EFNA5: variants seen among roughly 807,000 people sequenced by gnomAD.
EFNA5 encodes the protein ephrin A5.
Under a neutral mutation model 22.9 loss-of-function variants are expected in EFNA5, and 5 were observed. The observed-to-expected ratio is 0.22, with a 90% CI of 0.11 to 0.46. The LOEUF (loss-of-function observed/expected upper bound fraction) is 0.46. Among genes scored for constraint, EFNA5 ranks in the 20% least tolerant of loss-of-function variants. The pLI, the probability that EFNA5 is intolerant of heterozygous loss-of-function variation, is 0.99. For missense variants in EFNA5, 237 were observed against 293.3 expected (o/e 0.81, Z 1.40); for synonymous variants, 113 against 112.2 (o/e 1.01, Z -0.04).
At chr5:107,526,417 C>G (rs1747697053) in intron 1 of EFNA5, among the ~76,000 whole-genome samples, 1 of 152,198 alleles carries the variant, frequency 6.6e-6, no homozygotes, top group Non-Finnish European at 1.5e-5. Context: ...GAAACCAGGG[C>G]TGGGCCATAC....
chr5:107,554,837 TGCCCGA>T (rs547734771), intron 1 of EFNA5, among the ~76,000 whole-genome samples: 707 of 152,336 alleles, frequency 4.6e-3, no homozygotes, highest in Non-Finnish European at 8.2e-3. Context: ...TGCTACTAAA[TGCCCGA>T]GCCAAGATGC....
chr5:107,612,504 T>C (rs567963972), intron 1 of EFNA5, among the ~76,000 whole-genome samples: 3 of 151,862 alleles, frequency 2.0e-5, no homozygotes, highest in Non-Finnish European at 2.9e-5. Flanking sequence ...TAATTTGAAA[T>C]GCAATTTAAA....
At chr5:107,638,215 G>T (rs1213734630) in intron 1 of EFNA5, among the ~76,000 whole-genome samples, 1 of 151,970 alleles carries the variant, frequency 6.6e-6, no homozygotes, top group African/African-American at 2.4e-5. Context: ...ATAACCTAAG[G>T]GTTCCTGCTT....
At chr5:107,517,467 T>C (rs1001596781) in intron 1 of EFNA5, among the ~76,000 whole-genome samples, 3 of 152,216 alleles carry the variant, frequency 2.0e-5, no homozygotes, top group South Asian at 2.1e-4. Context: ...CTGTAAACAC[T>C]AGTAATAGTA....
At chr5:107,507,729 C>G (rs1191310468) in intron 1 of EFNA5, among the ~76,000 whole-genome samples, 1 of 151,964 alleles carries the variant, frequency 6.6e-6, no homozygotes, top group Non-Finnish European at 1.5e-5. Context: ...TCCAGCTACT[C>G]AGGAAGCTGA....
At chr5:107,557,794 C>T (rs352604) in intron 1 of EFNA5, among the ~76,000 whole-genome samples, 26,046 of 152,066 alleles carry the variant, frequency 0.17, 2,427 homozygotes, top group Middle Eastern at 0.22. Flanking sequence ...TGTTTAGAAG[C>T]GTTTTTACCT....
intron 1 of EFNA5, among the ~76,000 whole-genome samples, chr5:107,514,473 T>C (rs973630238): frequency 6.6e-6 from 1 of 152,192 alleles, no homozygotes; most frequent in Non-Finnish European, 1.5e-5. Flanking sequence ...TCATCCCACC[T>C]GGAACGTGAG....
At chr5:107,603,366 C>T (rs1269058297) in intron 1 of EFNA5, among the ~76,000 whole-genome samples, 1 of 152,174 alleles carries the variant, frequency 6.6e-6, no homozygotes, top group Non-Finnish European at 1.5e-5. Flanking sequence ...TTATCCCTCA[C>T]TTTCATATAA....
chr5:107,559,471 G>C (rs1748491920), intron 1 of EFNA5, among the ~76,000 whole-genome samples: 2 of 152,150 alleles, frequency 1.3e-5, no homozygotes, highest in South Asian at 4.1e-4. Flanking sequence ...AATTGCTCTT[G>C]ATGTTTGCAG....
At chr5:107,535,636 C>A (rs138844553) in intron 1 of EFNA5, among the ~76,000 whole-genome samples, 97 of 152,120 alleles carry the variant, frequency 6.4e-4, no homozygotes, top group African/African-American at 2.3e-3. Context: ...CCTCTAACTG[C>A]AGCATAAATA....
At chr5:107,552,765 T>G (rs984693312) in intron 1 of EFNA5, among the ~76,000 whole-genome samples, 3 of 152,204 alleles carry the variant, frequency 2.0e-5, no homozygotes, top group African/African-American at 7.2e-5. Flanking sequence ...AATGTTCTGA[T>G]GTTGTCATGT....
intron 1 of EFNA5, among the ~76,000 whole-genome samples, chr5:107,579,801 G>A (rs1004260941): frequency 2.6e-5 from 4 of 152,154 alleles, no homozygotes; most frequent in South Asian, 2.1e-4. Flanking sequence ...CTTGCTGCAC[G>A]AGTGGCACTT....
intron 1 of EFNA5, among the ~76,000 whole-genome samples, chr5:107,619,263 G>A (rs1749987610): frequency 6.6e-6 from 1 of 151,994 alleles, no homozygotes; most frequent in Non-Finnish European, 1.5e-5. Context: ...CATGAGTGAA[G>A]TAACCAACAG....
rs563901393 is a variant in EFNA5 at position 107,491,681 on chromosome 5, A to T, written c.126-64172T>A. On this transcript the variant is annotated intron_variant, in intron 1 of 4. Transcript: ENST00000333274. ...TTTTTATGACTTTATATGTGTATCC[A>T]CAAAATCTATGTGCAAAGATTGCCT... is the stretch of plus-strand genomic sequence containing the variant. Among the ~76,000 whole-genome samples, 6 of 152,310 alleles carry T rather than the reference A, an allele frequency of 3.9e-5. No homozygotes were observed. In the East Asian group the frequency reaches 1.2e-3, roughly 29 times the overall value.
At chr5:107,606,628 T>C (rs969422635) in intron 1 of EFNA5, among the ~76,000 whole-genome samples, 2 of 151,778 alleles carry the variant, frequency 1.3e-5, no homozygotes, top group Non-Finnish European at 2.9e-5. Context: ...GAGCCACATA[T>C]TAGCTGTACG....
intron 1 of EFNA5, among the ~76,000 whole-genome samples, chr5:107,489,014 C>T (rs974701013): frequency 6.6e-6 from 1 of 152,004 alleles, no homozygotes; most frequent in African/African-American, 2.4e-5. Context: ...TTTTAAGATA[C>T]TGTCCAAAGC....
At chr5:107,618,266 T>C (rs1749965083) in intron 1 of EFNA5, among the ~76,000 whole-genome samples, 1 of 152,258 alleles carries the variant, frequency 6.6e-6, no homozygotes, top group Non-Finnish European at 1.5e-5. Flanking sequence ...AAAATCTTGA[T>C]GTATTTCTGT....
intron 1 of EFNA5, among the ~76,000 whole-genome samples, chr5:107,586,888 T>C (rs1207332328): frequency 1.3e-5 from 2 of 152,144 alleles, no homozygotes; most frequent in Admixed American, 6.6e-5. Flanking sequence ...TACTTCAGAG[T>C]CTCTATTTCT....
chr5:107,426,914 T>A, intron 2 of EFNA5: 1 of 284,450 alleles, frequency 3.5e-6, no homozygotes, highest in Non-Finnish European at 6.5e-6. Flanking sequence ...TTTTCAGGAG[T>A]CTTTTTTTCT....
Sources: allele counts gnomAD v4.1 joint callset (sites outside exome capture counted in the v4.1 genomes callset), GRCh38; gene constraint gnomAD v4.1.1; transcripts MANE v1.5; gene names NCBI Gene and HGNC (gene_info 2026-07-23, HGNC 2026-07-21).